Variants in SEPTIN9 observed in about 807,000 individuals in gnomAD.
SEPTIN9 encodes septin 9.
SEPTIN9 carries 13 observed loss-of-function variants against 56.6 expected under a neutral mutation model. The ratio of observed to expected loss-of-function variants is 0.23; its 90% CI spans 0.15 to 0.37. The LOEUF is 0.37. Ranked by LOEUF, SEPTIN9 falls within the 10% of genes least tolerant of loss-of-function variation. The probability of loss-of-function intolerance (pLI) is 1.00; values close to 1 mark genes in which losing one functional copy is unlikely to be tolerated. For synonymous variants in SEPTIN9, 332 were observed against 334.1 expected (o/e 0.99, Z 0.07); for missense variants, 650 against 823.1 (o/e 0.79, Z 2.57).
At chr17:77,409,793 C>G (rs1175742861) in intron 3 of SEPTIN9, among the ~76,000 whole-genome samples, 1 of 152,250 alleles carries the variant, frequency 6.6e-6, no homozygotes. Context: ...CGCGGCCAGA[C>G]AGCCATGCTC....
intron 2 of SEPTIN9, among the ~76,000 whole-genome samples, chr17:77,315,643 T>G (rs1356737994): frequency 6.6e-6 from 1 of 152,120 alleles, no homozygotes; most frequent in African/African-American, 2.4e-5. Flanking sequence ...GCAGGTTGAG[T>G]GAGTGTGACA....
At chr17:77,346,833 T>C (rs558045724) in intron 2 of SEPTIN9, among the ~76,000 whole-genome samples, 1 of 152,258 alleles carries the variant, frequency 6.6e-6, no homozygotes, top group South Asian at 2.1e-4. Context: ...GTGTTGGGAA[T>C]TGGGGCATCA....
chr17:77,307,221 C>A, intron 2 of SEPTIN9, 24 bp downstream of exon 2: 1 of 1,605,260 alleles, frequency 6.2e-7, no homozygotes, highest in Non-Finnish European at 8.5e-7. Context: ...TCCGCTCTGG[C>A]CCCACCCAGC....
At chr17:77,339,776 T>C (rs540401841) in intron 2 of SEPTIN9, among the ~76,000 whole-genome samples, 10 of 151,170 alleles carry the variant, frequency 6.6e-5, no homozygotes, top group East Asian at 2.0e-4. Flanking sequence ...TCTCAAAGCA[T>C]TGGGACTACA....
intron 2 of SEPTIN9, among the ~76,000 whole-genome samples, chr17:77,392,551 G>C (rs2035578632): frequency 6.6e-6 from 1 of 152,108 alleles, no homozygotes; most frequent in Non-Finnish European, 1.5e-5. Context: ...TGGCCACCAA[G>C]CTGGCCTCCT....
chr17:77,447,656 G>A (rs2037792812), intron 3 of SEPTIN9, among the ~76,000 whole-genome samples: 1 of 152,238 alleles, frequency 6.6e-6, no homozygotes, highest in Non-Finnish European at 1.5e-5. Context: ...ACGAAGTCTC[G>A]CTCTGTCGCC....
At position 77,465,058 on chromosome 17, in the gene SEPTIN9, TG is replaced by T. The variant is rs542369970; in HGVS notation, c.722-17085del. 3.3e-5 allele frequency among the ~76,000 whole-genome samples: 5 copies of T among 152,350 alleles called. No homozygotes were observed. The East Asian group carries it at 9.6e-4, about 29-fold the overall frequency. On this transcript the variant is annotated intron_variant, in intron 3 of 11. Coordinates refer to ENST00000427177, the MANE Select transcript of SEPTIN9 (RefSeq NM_001113491.2). ...CTGCCTTCGTCTCTATGAATTCACCTGTTCTAGATAGTTTGTATAAGTGGAA... is the reference window on the plus strand; with the variant it reads ...CTGCCTTCGTCTCTATGAATTCACCTTTCTAGATAGTTTGTATAAGTGGAA...
intron 1 of SEPTIN9, among the ~76,000 whole-genome samples, chr17:77,298,633 G>A (rs1050173815): frequency 6.6e-6 from 1 of 152,198 alleles, no homozygotes; most frequent in African/African-American, 2.4e-5. Context: ...TCACCTGGGT[G>A]TGTGAATGGG....
Position 77,357,215 on chromosome 17 carries a change from G to A in SEPTIN9, c.77-44844G>A, listed in dbSNP as rs186364. ...GAAGCAAGGGGGCTTGAAGACACATGCGCTCATTAAATGTCCTTAAATCCC... is the reference window on the plus strand; with the variant it reads ...GAAGCAAGGGGGCTTGAAGACACATACGCTCATTAAATGTCCTTAAATCCC... On this transcript the variant is annotated intron_variant, in intron 2 of 11. Transcript: ENST00000427177. Among the ~76,000 whole-genome samples the A allele has an allele frequency of 4.2e-3, 640 of 152,248 alleles. 6 individuals carry two copies. The highest frequency in any genetic ancestry group is 0.015 in the African/African-American group (605 of 41,528).
At chr17:77,466,397 T>G (rs2144534226) in intron 3 of SEPTIN9, 1 of 985,460 alleles carries the variant, frequency 1.0e-6, no homozygotes, top group African/African-American at 1.7e-5. Context: ...TTCCCGGAGT[T>G]CGGGCTGGAA....
chr17:77,405,477 G>A lies in SEPTIN9; in HGVS notation c.721+2774G>A, dbSNP rs532771170. Among the ~76,000 whole-genome samples, 91 of 152,312 alleles carry A rather than the reference G, an allele frequency of 6.0e-4. No individual in the cohort carries two copies. The highest frequency in any genetic ancestry group is 1.2e-4 in the African/African-American group (5 of 41,564). Reference sequence around the variant, plus strand: ...GGAATAGGATGTACACGTTGGAGCCGGGGCATGGGAGAAAACCATCAGCAT... The same window carrying A: ...GGAATAGGATGTACACGTTGGAGCCAGGGCATGGGAGAAAACCATCAGCAT... On this transcript the variant is annotated intron_variant, in intron 3 of 11. Coordinates refer to ENST00000427177, the MANE Select transcript of SEPTIN9 (RefSeq NM_001113491.2). This position sits in a 1 kb window ranked among gnomAD's most constrained non-coding sequence, Gnocchi z 5.8.
chr17:77,390,333 C>G (rs1427897637), intron 2 of SEPTIN9, among the ~76,000 whole-genome samples: 1 of 84,936 alleles, frequency 1.2e-5, no homozygotes, highest in Non-Finnish European at 2.1e-5. Flanking sequence ...GGCGACAGAG[C>G]AAGACTCCGT....
At position 77,499,358 on chromosome 17, in the gene SEPTIN9, T is replaced by C. The variant is rs896708755; in HGVS notation, c.*700T>C. ...GGCTGGAATGAGGGAGGCGTCTTCATCTCCCTGCCATCCCCCTCTCACGCC... is the reference window on the plus strand; with the variant it reads ...GGCTGGAATGAGGGAGGCGTCTTCACCTCCCTGCCATCCCCCTCTCACGCC... On this transcript the variant is annotated 3_prime_UTR_variant, in exon 12 of 12. Coordinates refer to ENST00000427177, the MANE Select transcript of SEPTIN9 (RefSeq NM_001113491.2). The C allele has an allele frequency of 3.4e-6, 2 of 584,112 alleles. No individual in the cohort carries two copies. The highest frequency in any genetic ancestry group is 6.6e-6 in the Non-Finnish European group (2 of 302,986). The allele number at this position is 584,112 out of a possible 1,614,324, so 36.2% of individuals were successfully genotyped here. A position where few individuals can be genotyped will look rare whatever the true frequency, so the allele number is the denominator to read the frequency against.
intron 1 of SEPTIN9, among the ~76,000 whole-genome samples, chr17:77,292,892 C>G (rs1653478640): frequency 6.6e-6 from 1 of 152,344 alleles, no homozygotes; most frequent in South Asian, 2.1e-4. Context: ...CCTTGGCCCC[C>G]TGGCCCTGCC....
chr17:77,486,538 G>A (rs1464255012), intron 4 of SEPTIN9, among the ~76,000 whole-genome samples: 2 of 135,546 alleles, frequency 1.5e-5, no homozygotes, highest in Non-Finnish European at 3.1e-5. Flanking sequence ...ACGCGCGCGC[G>A]TGTTATATGT....
chr17:77,457,953 C>T (rs2038288467), intron 3 of SEPTIN9, among the ~76,000 whole-genome samples: 1 of 152,176 alleles, frequency 6.6e-6, no homozygotes, highest in African/African-American at 2.4e-5. Flanking sequence ...CGGCAGCGTC[C>T]CCTGGGTAAA....
intron 2 of SEPTIN9, among the ~76,000 whole-genome samples, chr17:77,397,449 A>G (rs147155521): frequency 1.8e-3 from 271 of 152,286 alleles, no homozygotes; most frequent in Non-Finnish European, 3.3e-3. Context: ...TCACATCTGC[A>G]AAGACCCTTT....
At position 77,478,529 on chromosome 17, in the gene SEPTIN9, G is replaced by A. The variant is rs1281203430; in HGVS notation, c.722-3615G>A. ...GGAGAAATCAAAGGCGGGACAGGCC[G>A]GGCGTGGTGGCTCACGCCTGTAATC... On this transcript the variant is annotated intron_variant, in intron 3 of 11. Transcript: ENST00000427177. Among the ~76,000 whole-genome samples, 5 of 152,310 alleles carry A rather than the reference G, an allele frequency of 3.3e-5. 1 individual carries two copies. The highest frequency in any genetic ancestry group is 4.4e-5 in the Non-Finnish European group (3 of 68,030).
intron 1 of SEPTIN9, among the ~76,000 whole-genome samples, chr17:77,284,288 A>G (rs1437973247): frequency 1.3e-5 from 2 of 152,228 alleles, no homozygotes; most frequent in Non-Finnish European, 2.9e-5. Flanking sequence ...GGGTGGCGTC[A>G]TGAGACCCCA....
Sources: gnomAD v4.1 joint callset for allele counts (sites outside exome capture counted in the v4.1 genomes callset) on GRCh38, gnomAD v4.1.1 for gene constraint, Gnocchi (gnomAD v3.1) non-coding constraint, MANE v1.5 for transcripts, NCBI Gene and HGNC (gene_info 2026-07-23, HGNC 2026-07-21) for gene names.